The following WSCD1 variants were observed in gnomAD, a reference collection of about 807,000 sequenced individuals.
WSCD1 encodes the protein WSC domain sialate O sulfotransferase 1, also known as sialate:O-sulfotransferase 1.
WSCD1 carries 41 observed loss-of-function variants against 60.4 expected under a neutral mutation model. The ratio of observed to expected loss-of-function variants is 0.68; its 90% CI spans 0.53 to 0.88. The LOEUF is 0.88. Ranked by LOEUF, WSCD1 falls within the 40% of genes least tolerant of loss-of-function variation. The probability of loss-of-function intolerance (pLI) is 0.00; values close to 1 mark genes in which losing one functional copy is unlikely to be tolerated. For synonymous variants in WSCD1, 361 were observed against 332.5 expected (o/e 1.09, Z -0.93); for missense variants, 784 against 796.2 (o/e 0.98, Z 0.18).
intron 7 of WSCD1, among the ~76,000 whole-genome samples, chr17:6,112,750 A>C (rs1440289089): frequency 6.6e-6 from 1 of 152,198 alleles, no homozygotes; most frequent in Non-Finnish European, 1.5e-5. Context: ...AAGAGATGAA[A>C]GATCTCTGCA....
At chr17:6,091,149 C>A (rs1050819171) in intron 4 of WSCD1, among the ~76,000 whole-genome samples, 2 of 152,242 alleles carry the variant, frequency 1.3e-5, no homozygotes, top group African/African-American at 2.4e-5. Flanking sequence ...CTGTCTCGGC[C>A]TCCCAGAGTG....
At chr17:6,095,397 G>T (rs191228310) in intron 5 of WSCD1, among the ~76,000 whole-genome samples, 174 bp downstream of exon 5, 65 of 152,336 alleles carry the variant, frequency 4.3e-4, no homozygotes, top group Non-Finnish European at 8.1e-4. Context: ...AGCCGGCAGG[G>T]AGCCCTTCGC....
Position 6,090,013 on chromosome 17 carries a change from C to A in WSCD1, c.543-308C>A, listed in dbSNP as rs565276171. ...CCAGTCCGTTTCCTGACTCCAGACT[C>A]AGTTGCCATTGCATGACCCACATAA... On this transcript the variant is annotated intron_variant, in intron 3 of 8. Transcript: ENST00000317744. Among the ~76,000 whole-genome samples the A allele has an allele frequency of 2.0e-5, 3 of 152,270 alleles. No homozygotes were observed. The East Asian group carries it at 5.8e-4, about 30-fold the overall frequency.
intron 2 of WSCD1, among the ~76,000 whole-genome samples, chr17:6,082,906 G>A (rs1243336303): frequency 6.6e-6 from 1 of 152,162 alleles, no homozygotes; most frequent in African/African-American, 2.4e-5. Flanking sequence ...GAGACTGACT[G>A]GTAGCTCAGT....
Position 6,083,796 on chromosome 17 carries a change from A to G in WSCD1, c.427+2711A>G, listed in dbSNP as rs77281954. Among the ~76,000 whole-genome samples, 659 of 152,178 alleles carry G rather than the reference A, an allele frequency of 4.3e-3. 4 individuals are homozygous for G. Among genetic ancestry groups the G allele is most frequent in the African/African-American group, 0.015 (639 of 41,520 alleles). ...CCTGTCTCAAAAAATATATATAATAATAATAAAAATAAAAATAGAAGTGAC... is the reference window on the plus strand; with the variant it reads ...CCTGTCTCAAAAAATATATATAATAGTAATAAAAATAAAAATAGAAGTGAC... On this transcript the variant is annotated intron_variant, in intron 2 of 8. Transcript: ENST00000317744.
rs547583248 is a variant in WSCD1, at chr17:6,074,983, G to A, written c.-289+4331G>A. Among the ~76,000 whole-genome samples the A allele has an allele frequency of 1.1e-4, 17 of 152,256 alleles. No homozygotes were observed. The South Asian group carries it at 3.5e-3, about 32-fold the overall frequency. ...GGAAAGTCACAGGAGGGGAATCCAG[G>A]AGCTGTGAGCCCAGCTGGAGGCTCC... On this transcript the variant is annotated intron_variant, in intron 1 of 8. Transcript: ENST00000317744.
intron 5 of WSCD1, among the ~76,000 whole-genome samples, chr17:6,104,853 AC>A (rs1910998481): frequency 2.6e-5 from 4 of 152,002 alleles, no homozygotes; most frequent in Admixed American, 2.6e-4. Flanking sequence ...TTTCCCACTC[AC>A]CTGGCAGGCT....
chr17:6,073,701 G>A (rs1002606921), intron 1 of WSCD1, among the ~76,000 whole-genome samples: 5 of 152,258 alleles, frequency 3.3e-5, no homozygotes, highest in African/African-American at 1.2e-4. Context: ...TGTTTCAAAA[G>A]TGAGAAAGGC....
At chr17:6,120,256 C>T (rs1904582503) in intron 8 of WSCD1, 53 bp from the exon 9 acceptor site, 2 of 1,570,160 alleles carry the variant, frequency 1.3e-6, no homozygotes, top group Middle Eastern at 1.7e-4. Context: ...CGGGGACCGG[C>T]AGCCCTGGCA....
intron 5 of WSCD1, among the ~76,000 whole-genome samples, chr17:6,102,200 C>T (rs879555105): frequency 5.3e-5 from 8 of 152,222 alleles, no homozygotes; most frequent in Admixed American, 3.3e-4. Flanking sequence ...CTCATCTAGC[C>T]ACCTTTCAAA....
chr17:6,081,665 C>T (rs543679371), intron 2 of WSCD1, among the ~76,000 whole-genome samples: 19 of 151,042 alleles, frequency 1.3e-4, no homozygotes, highest in African/African-American at 2.9e-4. Flanking sequence ...GAGCAGAGAT[C>T]GGGCCACTGC....
chr17:6,113,157 A>T (rs1911499744), intron 7 of WSCD1, among the ~76,000 whole-genome samples: 1 of 152,152 alleles, frequency 6.6e-6, no homozygotes, highest in Admixed American at 6.6e-5. Context: ...TTTACAGCCA[A>T]CTCATTTTTG....
chr17:6,087,498 C>T (rs1048931214), intron 2 of WSCD1, among the ~76,000 whole-genome samples: 2 of 152,250 alleles, frequency 1.3e-5, no homozygotes, highest in Admixed American at 6.5e-5. Flanking sequence ...TAGCTTTCCC[C>T]GTTTGAAAGA....
intron 1 of WSCD1, chr17:6,077,848 G>T (rs1320446651): frequency 6.6e-6 from 1 of 152,152 alleles, no homozygotes; most frequent in Admixed American, 6.5e-5. Context: ...CAGGATTAAT[G>T]TGCTCCCTAG....
chr17:6,073,947 T>C (rs1408873647), intron 1 of WSCD1, among the ~76,000 whole-genome samples: 1 of 152,246 alleles, frequency 6.6e-6, no homozygotes, highest in East Asian at 1.9e-4. Context: ...TCTGCATCTG[T>C]ATGATGGGGA....
At chr17:6,079,097 G>A (rs4630598) in intron 1 of WSCD1, among the ~76,000 whole-genome samples, 84,414 of 151,996 alleles carry the variant, frequency 0.56, 24,015 homozygotes, top group South Asian at 0.65. Context: ...GAACCTGGCG[G>A]CCCTCGCCAT....
intron 7 of WSCD1, among the ~76,000 whole-genome samples, chr17:6,117,550 G>A (rs891656713): frequency 3.9e-5 from 6 of 152,204 alleles, no homozygotes; most frequent in African/African-American, 1.4e-4. Context: ...TGTGATCTTG[G>A]GCAAGTCCCA....
intron 8 of WSCD1, among the ~76,000 whole-genome samples, chr17:6,120,096 T>G (rs1225194635): frequency 6.6e-6 from 1 of 152,224 alleles, no homozygotes; most frequent in Non-Finnish European, 1.5e-5. Context: ...CACAGCGTCC[T>G]CATCCCACCA....
In WSCD1 at chr17:6,090,361, T is replaced by G; in HGVS notation, c.583T>G (p.Tyr195Asp). Reference protein sequence around the residue: ...YAGLEAGAECYCGNRLPAVSV... With the variant: ...YAGLEAGAECDCGNRLPAVSV... ...CGGCTTGGAGGCCGGGGCGGAGTGT[T>G]ACTGCGGGAACCGGCTGCCAGCGGT... The change falls in exon 4 of 9, where the codon TAC becomes GAC. Residue 195 changes from tyrosine to aspartate, a missense_variant. Transcript: ENST00000317744. 5 of 1,609,044 alleles carry G rather than the reference T, an allele frequency of 3.1e-6. No individual in the cohort carries two copies. Among genetic ancestry groups the G allele is most frequent in the Non-Finnish European group, 4.2e-6 (5 of 1,177,938 alleles).
Sources: allele counts gnomAD v4.1 joint callset (sites outside exome capture counted in the v4.1 genomes callset), GRCh38; gene constraint gnomAD v4.1.1; transcripts MANE v1.5; gene names NCBI Gene and HGNC (gene_info 2026-07-23, HGNC 2026-07-21).